RGPD2: variants seen among roughly 807,000 people sequenced by gnomAD.
RGPD2 encodes the protein RANBP2-like and GRIP domain-containing protein 2.
Under a neutral mutation model 36.0 loss-of-function variants are expected in RGPD2, and 2 were observed. The ratio of observed to expected loss-of-function variants is 0.06; its 90% CI spans 0.02 to 0.17. RGPD2 has a LOEUF of 0.17. Among genes scored for constraint, RGPD2 ranks in the 10% least tolerant of loss-of-function variants. The pLI is 1.00. For synonymous variants in RGPD2, 19 were observed against 163.8 expected (o/e 0.12, Z 6.75); for missense variants, 40 against 464.3 (o/e 0.09, Z 8.40).
At chr2:87,894,595 T>C in the RGPD2 span, among the ~76,000 whole-genome samples, 1 of 152,140 alleles carries the variant, frequency 6.6e-6, no homozygotes, top group South Asian at 2.1e-4. Context: ...AACATCATGA[T>C]ATAACCTGCG....
the RGPD2 span, among the ~76,000 whole-genome samples, chr2:87,906,816 G>A: frequency 3.1e-4 from 46 of 147,914 alleles, no homozygotes; most frequent in Non-Finnish European, 1.6e-4. Flanking sequence ...CTATTCAGGA[G>A]GCTTAGGTGG....
chr2:87,988,058 A>G, the RGPD2 span, among the ~76,000 whole-genome samples: 1 of 152,196 alleles, frequency 6.6e-6, no homozygotes, highest in Non-Finnish European at 1.5e-5. Context: ...GATTCCTAAA[A>G]TGAAAAAGTC....
chr2:87,974,979 A>C, the RGPD2 span, among the ~76,000 whole-genome samples: 1 of 152,078 alleles, frequency 6.6e-6, no homozygotes, highest in Non-Finnish European at 1.5e-5. Context: ...CAGGTCACTC[A>C]AGAGTGAAAT....
the RGPD2 span, among the ~76,000 whole-genome samples, chr2:87,877,798 C>T: frequency 1.8e-4 from 20 of 110,120 alleles, no homozygotes; most frequent in Non-Finnish European, 2.4e-4. Flanking sequence ...GAGTGAGACT[C>T]CGTCTCAAAA....
the RGPD2 span, among the ~76,000 whole-genome samples, chr2:87,877,018 T>A: frequency 6.6e-6 from 1 of 152,308 alleles, no homozygotes; most frequent in Non-Finnish European, 1.5e-5. Context: ...GAAACTAGAA[T>A]TGCAACCCCT....
the RGPD2 span, among the ~76,000 whole-genome samples, chr2:87,860,744 G>A: frequency 6.6e-6 from 1 of 152,176 alleles, no homozygotes; most frequent in Non-Finnish European, 1.5e-5. Context: ...GTGTGTGTCT[G>A]CGTATGCATA....
At chr2:87,789,880 CA>C (rs1441390166) in intron 17 of RGPD2, among the ~76,000 whole-genome samples, 1 of 152,282 alleles carries the variant, frequency 6.6e-6, no homozygotes, top group Non-Finnish European at 1.5e-5. Context: ...CATCTGACTC[CA>C]AAAATGTTCT....
At chr2:87,986,648 G>T in the RGPD2 span, among the ~76,000 whole-genome samples, 2 of 151,676 alleles carry the variant, frequency 1.3e-5, no homozygotes, top group African/African-American at 4.8e-5. Context: ...GCGAGGTCAA[G>T]GTGGGTGGAT....
chr2:87,857,705 A>G, the RGPD2 span, among the ~76,000 whole-genome samples: 3 of 151,500 alleles, frequency 2.0e-5, no homozygotes, highest in South Asian at 4.2e-4. Flanking sequence ...TTGGGAGGCC[A>G]AGGTGGGCTG....
At chr2:87,945,150 AT>A in the RGPD2 span, among the ~76,000 whole-genome samples, 1 of 152,244 alleles carries the variant, frequency 6.6e-6, no homozygotes, top group Non-Finnish European at 1.5e-5. Context: ...TTGTATTTAG[AT>A]TGTTTATGTG....
At chr2:87,836,342 GA>G in the RGPD2 span, among the ~76,000 whole-genome samples, 1 of 146,442 alleles carries the variant, frequency 6.8e-6, no homozygotes, top group Non-Finnish European at 1.5e-5. Flanking sequence ...AGGAAGGAAG[GA>G]AAAAAAAGAA....
chr2:87,940,347 G>A, the RGPD2 span, among the ~76,000 whole-genome samples: 379 of 150,818 alleles, frequency 2.5e-3, 1 homozygote, highest in Non-Finnish European at 4.3e-3. Flanking sequence ...AAAGTTCTTT[G>A]CTAGAAATCA....
chr2:87,915,410 T>C, the RGPD2 span, among the ~76,000 whole-genome samples: 1 of 142,468 alleles, frequency 7.0e-6, no homozygotes, highest in Admixed American at 7.3e-5. Context: ...TTATATATAT[T>C]GTATATATGT....
At chr2:87,911,320 A>G in the RGPD2 span, among the ~76,000 whole-genome samples, 1 of 145,864 alleles carries the variant, frequency 6.9e-6, no homozygotes, top group African/African-American at 2.5e-5. Flanking sequence ...GTTTTCTCAA[A>G]TGAAATCGAT....
At chr2:87,813,775 TCA>T (rs1254656117) in intron 4 of RGPD2, among the ~76,000 whole-genome samples, 7 of 127,618 alleles carry the variant, frequency 5.5e-5, no homozygotes, top group Admixed American at 1.7e-4. Context: ...AGTAATACTC[TCA>T]TTCATTAAAC....
the RGPD2 span, among the ~76,000 whole-genome samples, chr2:87,844,481 C>T: frequency 6.7e-6 from 1 of 149,226 alleles, no homozygotes; most frequent in Non-Finnish European, 1.5e-5. Context: ...CACTCTTGTT[C>T]TGATTTGCCT....
the RGPD2 span, among the ~76,000 whole-genome samples, chr2:87,951,890 CTCTTA>C: frequency 6.0e-5 from 9 of 150,488 alleles, no homozygotes; most frequent in African/African-American, 1.9e-4. Context: ...GCCCAAAACA[CTCTTA>C]TCTAGCCTCT....
In RGPD2 at chr2:87,756,188, G is replaced by A. The variant is rs1346999054; in HGVS notation, c.*1204C>T. 2 of 54,150 alleles carry A rather than the reference G, an allele frequency of 3.7e-5. No homozygotes were observed. The highest frequency in any genetic ancestry group is 8.0e-5 in the Non-Finnish European group (2 of 25,024). The allele number at this position is 54,150 out of a possible 1,614,324, so 3.4% of individuals were successfully genotyped here. On this transcript the variant is annotated 3_prime_UTR_variant, in exon 23 of 23. Transcript: ENST00000398146. ...TGCATGTGGACCCAGGTGGGCACCG[G>A]ACTGTTTTAAACACAGGAGAGGGCC...
the RGPD2 span, among the ~76,000 whole-genome samples, chr2:87,842,006 A>G: frequency 6.8e-6 from 1 of 147,904 alleles, no homozygotes; most frequent in African/African-American, 2.5e-5. Flanking sequence ...ACAAAATTCA[A>G]CAACCCTTCA....
Sources: gnomAD v4.1 joint callset for allele counts (sites outside exome capture counted in the v4.1 genomes callset) on GRCh38, gnomAD v4.1.1 for gene constraint, MANE v1.5 for transcripts, NCBI Gene and HGNC (gene_info 2026-07-23, HGNC 2026-07-21) for gene names.